The following ABHD2 variants were observed in gnomAD, a reference collection of about 807,000 sequenced individuals.
The protein encoded by ABHD2 is abhydrolase domain containing 2, acylglycerol lipase.
Under a neutral mutation model 48.1 loss-of-function variants are expected in ABHD2, and 20 were observed. That is an observed-to-expected ratio of 0.42 (90% CI 0.29 to 0.60). ABHD2 has a LOEUF of 0.60. ABHD2 is among the 20% of genes least tolerant of loss of function. ABHD2 has a pLI of 0.24. For synonymous variants in ABHD2, 209 were observed against 214.2 expected, an observed-to-expected ratio of 0.98 and a Z score of 0.21; for missense variants, 405 against 550.9, an observed-to-expected ratio of 0.74 and a Z score of 2.65.
chr15:89,085,054 A>G (rs1273470106), upstream of ABHD2, among the ~76,000 whole-genome samples: 2 of 152,190 alleles, frequency 1.3e-5, no homozygotes, highest in Non-Finnish European at 2.9e-5. This position sits in a 1 kb window ranked among gnomAD's most constrained non-coding sequence, Gnocchi z 4.2. Context: ...AAGAATAAAT[A>G]GAACATATTA....
At chr15:89,159,014 T>G (rs1021027696) in intron 5 of ABHD2, among the ~76,000 whole-genome samples, 20 of 152,090 alleles carry the variant, frequency 1.3e-4, no homozygotes. Flanking sequence ...GGTGAGAGAT[T>G]AACCGTGCTG....
chr15:89,056,246 T>C, the ABHD2 span, among the ~76,000 whole-genome samples: 3 of 151,982 alleles, frequency 2.0e-5, no homozygotes, highest in East Asian at 5.8e-4. Context: ...CTAGGGAAAA[T>C]AATAGGAAAA....
At chr15:89,074,953 C>G in the ABHD2 span, among the ~76,000 whole-genome samples, 1 of 152,128 alleles carries the variant, frequency 6.6e-6, no homozygotes, top group African/African-American at 2.4e-5. Flanking sequence ...TCTCCTTAAC[C>G]CTCAGGAGAA....
At position 89,186,651 on chromosome 15, in the gene ABHD2, C is replaced by A. The variant is rs1482555530; in HGVS notation, c.815+1135C>A. 1.3e-5 allele frequency among the ~76,000 whole-genome samples: 2 copies of A among 152,160 alleles called. No individual in the cohort carries two copies. Among genetic ancestry groups the A allele is most frequent in the African/African-American group, 4.8e-5 (2 of 41,436 alleles). On this transcript the variant is annotated intron_variant, in intron 7 of 10. Coordinates refer to ENST00000352732, the MANE Select transcript of ABHD2 (RefSeq NM_152924.5). The surrounding 1 kb of genome is among the most constrained non-coding windows in gnomAD (Gnocchi z 4.3). Reference sequence around the variant, plus strand: ...CCCTCTGTAAATCCTACGTCTAGAACCAAACTGGAGAGCGTTGGAGGGCTT... The same window carrying A: ...CCCTCTGTAAATCCTACGTCTAGAAACAAACTGGAGAGCGTTGGAGGGCTT...
chr15:89,096,416 A>G (rs1031074267), intron 1 of ABHD2, among the ~76,000 whole-genome samples: 1 of 152,242 alleles, frequency 6.6e-6, no homozygotes, highest in African/African-American at 2.4e-5. Flanking sequence ...GTTTAATTTA[A>G]ATTTAAGAAT....
At chr15:89,071,679 A>G in the ABHD2 span, among the ~76,000 whole-genome samples, 3 of 152,248 alleles carry the variant, frequency 2.0e-5, no homozygotes, top group South Asian at 2.1e-4. Flanking sequence ...CATGTTCCTC[A>G]TAGACAGGAA....
chr15:89,111,428 T>C (rs893723391), intron 1 of ABHD2, among the ~76,000 whole-genome samples: 2 of 152,224 alleles, frequency 1.3e-5, no homozygotes, highest in African/African-American at 4.8e-5. Context: ...AGTCCTGAGA[T>C]AGGCAGTCTA....
In ABHD2 at chr15:89,166,526, C is replaced by A. The variant is rs1459053958; in HGVS notation, c.539-9286C>A. Among the ~76,000 whole-genome samples, 1 of 152,188 alleles carries A rather than the reference C, an allele frequency of 6.6e-6. No individual in the cohort carries two copies. Among genetic ancestry groups the A allele is most frequent in the Non-Finnish European group, 1.5e-5 (1 of 68,044 alleles). On this transcript the variant is annotated intron_variant, in intron 5 of 10. Transcript: ENST00000352732. The surrounding 1 kb of genome is among the most constrained non-coding windows in gnomAD (Gnocchi z 4.6). ...TCTTTTGGATTAAGGCTGCAGTGAA[C>A]CGTGATCATGCCACTGCACTCCAGC...
intron 1 of ABHD2, among the ~76,000 whole-genome samples, chr15:89,090,845 A>C (rs984271790): frequency 6.6e-6 from 1 of 152,148 alleles, no homozygotes; most frequent in African/African-American, 2.4e-5. Context: ...AGATTTTATG[A>C]GCCACTGTAT....
At chr15:89,090,945 C>G (rs1243082520) in intron 1 of ABHD2, among the ~76,000 whole-genome samples, 1 of 152,256 alleles carries the variant, frequency 6.6e-6, no homozygotes, top group East Asian at 1.9e-4. Context: ...CCAGCAGCGC[C>G]TGCCTGGCCT....
At chr15:89,144,383 T>A (rs1176872326) in intron 3 of ABHD2, among the ~76,000 whole-genome samples, 1 of 152,218 alleles carries the variant, frequency 6.6e-6, no homozygotes, top group Non-Finnish European at 1.5e-5. Context: ...TCTGCCTGCC[T>A]TGGCCTCCCA....
chr15:89,044,123 A>C, the ABHD2 span, among the ~76,000 whole-genome samples: 1 of 152,058 alleles, frequency 6.6e-6, no homozygotes, highest in African/African-American at 2.4e-5. Flanking sequence ...CTCATTGTTC[A>C]ATTCCCACCT....
upstream of ABHD2, among the ~76,000 whole-genome samples, chr15:89,086,233 G>C (rs956513686): frequency 1.3e-5 from 2 of 152,082 alleles, no homozygotes; most frequent in African/African-American, 4.8e-5. Flanking sequence ...CACCATGATG[G>C]CCAGGCTGGT....
Position 89,200,758 on chromosome 15 carries a change from C to A in ABHD2, c.*5335C>A. 1 of 245,622 alleles carries A rather than the reference C, an allele frequency of 4.1e-6. No individual in the cohort carries two copies. The allele number at this position is 245,622 out of a possible 1,614,324, so 15.2% of individuals were successfully genotyped here. On this transcript the variant is annotated 3_prime_UTR_variant, in exon 11 of 11. Transcript: ENST00000352732. ...AAAAAAAGAAATAGCACTCTGCATG[C>A]TTTGCTCTACAAGACGAATTTCCCT...
chr15:89,050,642 A>T, the ABHD2 span, among the ~76,000 whole-genome samples: 1 of 152,072 alleles, frequency 6.6e-6, no homozygotes. Context: ...ACTCACTAGA[A>T]CCCATCTGCT....
chr15:89,106,004 G>T lies in ABHD2; in HGVS notation c.-106-7721G>T, dbSNP rs1343820983. Among the ~76,000 whole-genome samples the T allele has an allele frequency of 6.6e-6, 1 of 152,170 alleles. No homozygotes were observed. Among genetic ancestry groups the T allele is most frequent in the African/African-American group, 2.4e-5 (1 of 41,446 alleles). On this transcript the variant is annotated intron_variant, in intron 1 of 10. Transcript: ENST00000352732. This position sits in a 1 kb window ranked among gnomAD's most constrained non-coding sequence, Gnocchi z 4.2. ...GATGTAAGCCACTGTGCCCAGCCGAGAGGTGGTCTTTTAAAACCCAGAGTA... is the reference window on the plus strand; with the variant it reads ...GATGTAAGCCACTGTGCCCAGCCGATAGGTGGTCTTTTAAAACCCAGAGTA...
chr15:89,175,957 G>A lies in ABHD2; in HGVS notation c.684G>A (p.Leu228=), dbSNP rs1434666296. 2 of 1,613,354 alleles carry A rather than the reference G, an allele frequency of 1.2e-6. No individual in the cohort carries two copies. The highest frequency in any genetic ancestry group is 3.3e-5 in the Admixed American group (2 of 59,930). ...GETQANQEKV[L]CCVSVCQGYS... ...CTCAGGCAAACCAAGAGAAGGTCCT[G>A]TGCTGCGTCAGCGTGTGCCAGGGGT... Residue 228 remains leucine (L), a synonymous_variant, in exon 6 of 11, where the codon CTG becomes CTA. Transcript: ENST00000352732. The surrounding 1 kb of genome is among the most constrained non-coding windows in gnomAD (Gnocchi z 5.7).
chr15:89,137,589 TGGTCA>T lies in ABHD2; in HGVS notation c.195-14087_195-14083del, dbSNP rs1221880720. ...CTCTTTTGTTTCCTCAGGCCACTTTTGGTCATTTCAGGCAGAAACAGTCTCTGCAT... is the reference window on the plus strand; with the variant it reads ...CTCTTTTGTTTCCTCAGGCCACTTTTTTTCAGGCAGAAACAGTCTCTGCAT... On this transcript the variant is annotated intron_variant, in intron 3 of 10. Coordinates refer to ENST00000352732, the MANE Select transcript of ABHD2 (RefSeq NM_152924.5). This position sits in a 1 kb window ranked among gnomAD's most constrained non-coding sequence, Gnocchi z 4.8. Among the ~76,000 whole-genome samples the T allele has an allele frequency of 6.6e-6, 1 of 152,166 alleles. No individual in the cohort carries two copies. The highest frequency in any genetic ancestry group is 1.5e-5 in the Non-Finnish European group (1 of 68,032).
the ABHD2 span, among the ~76,000 whole-genome samples, chr15:89,044,366 G>A: frequency 1.3e-5 from 2 of 152,236 alleles, no homozygotes; most frequent in East Asian, 1.9e-4. Flanking sequence ...ATAAACATAG[G>A]TGTGCATGTG....
Sources: allele counts gnomAD v4.1 joint callset (sites outside exome capture counted in the v4.1 genomes callset), GRCh38; gene constraint gnomAD v4.1.1; non-coding constraint Gnocchi (gnomAD v3.1); transcripts MANE v1.5; gene names NCBI Gene and HGNC (gene_info 2026-07-23, HGNC 2026-07-21).